Variants in UNC13C observed in about 807,000 individuals in gnomAD.
UNC13C encodes the protein protein unc-13 homolog C.
A neutral mutation model predicts 245.4 loss-of-function variants in UNC13C; 174 were observed. The ratio of observed to expected loss-of-function variants is 0.71; its 90% CI spans 0.63 to 0.80. The LOEUF is 0.80. Ranked by LOEUF, UNC13C falls within the 30% of genes least tolerant of loss-of-function variation. UNC13C has a pLI of 0.00. For synonymous variants in UNC13C, 992 were observed against 895.1 expected (o/e 1.11, Z -1.93); for missense variants, 2,829 against 2,602.9 (o/e 1.09, Z -1.89).
intron 2 of UNC13C, among the ~76,000 whole-genome samples, chr15:54,029,318 T>G (rs1896257434): frequency 6.6e-6 from 1 of 152,196 alleles, no homozygotes; most frequent in South Asian, 2.1e-4. Flanking sequence ...ATTTATTGAG[T>G]GCTAGTAGTG....
chr15:54,320,467 T>C (rs1028413808), intron 13 of UNC13C, among the ~76,000 whole-genome samples: 3 of 151,938 alleles, frequency 2.0e-5, no homozygotes, highest in African/African-American at 7.2e-5. Flanking sequence ...GTGCAAAAAA[T>C]ATCTGCATTA....
chr15:54,008,786 C>T (rs780309023), intron 1 of UNC13C, among the ~76,000 whole-genome samples: 1 of 152,134 alleles, frequency 6.6e-6, no homozygotes, highest in African/African-American at 2.4e-5. Context: ...TGGTAACATT[C>T]ACTTTACGTA....
chr15:54,111,273 AT>A (rs1188758877), intron 2 of UNC13C, among the ~76,000 whole-genome samples: 1 of 152,218 alleles, frequency 6.6e-6, no homozygotes, highest in Non-Finnish European at 1.5e-5. Flanking sequence ...ACATCAAATC[AT>A]TTAAACCTAG....
the UNC13C span, among the ~76,000 whole-genome samples, chr15:53,895,090 G>A: frequency 0.19 from 28,220 of 151,822 alleles, 2,932 homozygotes; most frequent in East Asian, 0.28. Context: ...GAGGCTGGGC[G>A]TGGTGGCTCA....
chr15:54,160,473 C>T (rs1253578125), intron 4 of UNC13C, among the ~76,000 whole-genome samples: 2 of 150,996 alleles, frequency 1.3e-5, no homozygotes, highest in African/African-American at 4.9e-5. Flanking sequence ...TTGATCACTC[C>T]AGGATATCCT....
At chr15:54,243,159 A>G (rs1446697578) in intron 7 of UNC13C, among the ~76,000 whole-genome samples, 1 of 19,846 alleles carries the variant, frequency 5.0e-5, no homozygotes, top group African/African-American at 2.2e-4. Flanking sequence ...GACAGGCCCC[A>G]TTGTGTGTTA....
chr15:54,256,734 A>G (rs2140877217), intron 8 of UNC13C, among the ~76,000 whole-genome samples: 1 of 152,334 alleles, frequency 6.6e-6, no homozygotes, highest in Middle Eastern at 3.4e-3. Context: ...CTGCGGTTTC[A>G]GGTATTCCTG....
intron 26 of UNC13C, among the ~76,000 whole-genome samples, chr15:54,540,816 G>A (rs111350491): frequency 1.3e-5 from 2 of 152,180 alleles, no homozygotes; most frequent in African/African-American, 4.8e-5. Context: ...TCTAAGCAGG[G>A]TTAGTCAGCA....
At chr15:54,491,052 C>T (rs987196123) in intron 19 of UNC13C, among the ~76,000 whole-genome samples, 1 of 152,202 alleles carries the variant, frequency 6.6e-6, no homozygotes, top group Non-Finnish European at 1.5e-5. Flanking sequence ...TCTTCCTAAG[C>T]TCCATCTACT....
chr15:54,038,124 A>ATATATATATATTTTT, intron 2 of UNC13C, among the ~76,000 whole-genome samples: 1 of 45,034 alleles, frequency 2.2e-5, no homozygotes, highest in Non-Finnish European at 3.5e-5. Context: ...ATATATATAT[A>ATATATATATATTTTT]TTTTTTTTTT....
At chr15:53,863,545 G>A in the UNC13C span, among the ~76,000 whole-genome samples, 1 of 152,116 alleles carries the variant, frequency 6.6e-6, no homozygotes, top group Non-Finnish European at 1.5e-5. Flanking sequence ...ATCACAATTT[G>A]TATATTATAA....
At chr15:54,416,334 A>C (rs375007009) in intron 19 of UNC13C, among the ~76,000 whole-genome samples, 17 of 152,306 alleles carry the variant, frequency 1.1e-4, no homozygotes, top group African/African-American at 3.6e-4. Context: ...CAGAGGGAAC[A>C]TTCAGTTTTT....
intron 19 of UNC13C, among the ~76,000 whole-genome samples, chr15:54,445,713 T>C (rs1410320229): frequency 6.6e-6 from 1 of 152,190 alleles, no homozygotes; most frequent in Non-Finnish European, 1.5e-5. Flanking sequence ...GATGAGTAGA[T>C]TGCAAAAATT....
chr15:54,163,644 T>C (rs2033059082), intron 4 of UNC13C, among the ~76,000 whole-genome samples: 1 of 152,190 alleles, frequency 6.6e-6, no homozygotes, highest in African/African-American at 2.4e-5. Flanking sequence ...TTCCTGAGAA[T>C]TGGGATTGCT....
chr15:54,170,089 GAATGCTATCAA>G (rs2033337728), intron 4 of UNC13C, among the ~76,000 whole-genome samples: 1 of 147,400 alleles, frequency 6.8e-6, no homozygotes, highest in Admixed American at 6.9e-5. Context: ...TTTAAACATT[GAATGCTATCAA>G]AATGGGTTCC....
chr15:54,368,144 C>A lies in UNC13C; in HGVS notation c.4714-24904C>A, dbSNP rs148596695. 3.9e-5 allele frequency among the ~76,000 whole-genome samples: 6 copies of A among 152,126 alleles called. No individual in the cohort carries two copies. The East Asian group carries it at 1.2e-3, about 29-fold the overall frequency. On this transcript the variant is annotated intron_variant, in intron 17 of 32. Transcript: ENST00000260323. ...AGCCATGCATTTCAGAGATTACTAG[C>A]CAGAGTTTCTTACTATTGACACTTT...
chr15:54,272,094 C>G (rs1435659127), intron 10 of UNC13C, among the ~76,000 whole-genome samples: 1 of 152,214 alleles, frequency 6.6e-6, no homozygotes, highest in African/African-American at 2.4e-5. Context: ...CTCTTTGAAT[C>G]TCAGTTTCGC....
the UNC13C span, among the ~76,000 whole-genome samples, chr15:53,935,836 C>T: frequency 2.0e-5 from 3 of 152,068 alleles, no homozygotes; most frequent in African/African-American, 7.2e-5. Context: ...CCTTGTGAGC[C>T]CATGCCACCG....
chr15:53,940,170 A>T, the UNC13C span, among the ~76,000 whole-genome samples: 1 of 152,098 alleles, frequency 6.6e-6, no homozygotes, highest in Non-Finnish European at 1.5e-5. Flanking sequence ...TTAGAAATGT[A>T]AAAAGGTTTG....
Sources: gnomAD v4.1 joint callset for allele counts (sites outside exome capture counted in the v4.1 genomes callset) on GRCh38, gnomAD v4.1.1 for gene constraint, MANE v1.5 for transcripts, NCBI Gene and HGNC (gene_info 2026-07-23, HGNC 2026-07-21) for gene names.